CSMD1: variants seen among roughly 807,000 people sequenced by gnomAD.
CSMD1 encodes CUB and Sushi multiple domains 1.
In CSMD1, 213 loss-of-function variants were observed where a neutral mutation model predicts 417.5. The ratio of observed to expected loss-of-function variants is 0.51; its 90% CI spans 0.46 to 0.57. CSMD1 has a LOEUF of 0.57. Ranked by LOEUF, CSMD1 falls within the 20% of genes least tolerant of loss-of-function variation. CSMD1 has a pLI of 0.00. For missense variants in CSMD1, 6,923 were observed against 4,529.7 expected (o/e 1.53, Z -15.17); for synonymous variants, 2,862 against 1,736.8 (o/e 1.65, Z -16.11).
intron 1 of CSMD1, among the ~76,000 whole-genome samples, chr8:4,904,453 G>T (rs918536941): frequency 2.6e-5 from 4 of 152,140 alleles, no homozygotes; most frequent in African/African-American, 9.7e-5. Context: ...GAAGAGGTAA[G>T]AGACATGTTC....
intron 3 of CSMD1, among the ~76,000 whole-genome samples, chr8:4,209,419 T>C (rs1800170941): frequency 6.6e-6 from 1 of 152,176 alleles, no homozygotes; most frequent in South Asian, 2.1e-4. Flanking sequence ...TGGAATTGTA[T>C]GAGGTGTGAA....
At chr8:3,581,650 G>C (rs542050077) in intron 9 of CSMD1, among the ~76,000 whole-genome samples, 164 of 152,280 alleles carry the variant, frequency 1.1e-3, no homozygotes, top group Admixed American at 2.9e-3. Flanking sequence ...ATACCTTTAT[G>C]CTCAGAATGG....
At chr8:3,525,488 C>T (rs547382706) in intron 10 of CSMD1, among the ~76,000 whole-genome samples, 206 of 152,210 alleles carry the variant, frequency 1.4e-3, no homozygotes, top group Non-Finnish European at 2.6e-3. Flanking sequence ...AGCTATCCTC[C>T]GTGATAAGAA....
At chr8:4,657,663 T>A (rs1246072188) in intron 1 of CSMD1, among the ~76,000 whole-genome samples, 1 of 149,690 alleles carries the variant, frequency 6.7e-6, no homozygotes, top group Non-Finnish European at 1.5e-5. Flanking sequence ...CATGGCCAGT[T>A]CTCAAAAAAT....
At chr8:4,535,951 A>G (rs934735279) in intron 2 of CSMD1, among the ~76,000 whole-genome samples, 2 of 152,090 alleles carry the variant, frequency 1.3e-5, no homozygotes, top group East Asian at 3.9e-4. Flanking sequence ...TTAGATCTTA[A>G]CAATGTTGAT....
At chr8:4,708,218 G>A (rs929610834) in intron 1 of CSMD1, among the ~76,000 whole-genome samples, 1 of 152,146 alleles carries the variant, frequency 6.6e-6, no homozygotes, top group Admixed American at 6.5e-5. Context: ...CTAAAGTGCT[G>A]AGATTACAGG....
intron 3 of CSMD1, among the ~76,000 whole-genome samples, chr8:4,161,016 G>A (rs983261194): frequency 1.3e-5 from 2 of 151,896 alleles, no homozygotes; most frequent in East Asian, 3.9e-4. Flanking sequence ...TCTTCTTCTG[G>A]TTTGCATTAA....
rs527793528 is a variant in CSMD1 at position 3,168,620 on chromosome 8, G to C, written c.5726-6343C>G. On this transcript the variant is annotated intron_variant, in intron 37 of 69. Coordinates refer to ENST00000635120, the MANE Select transcript of CSMD1 (RefSeq NM_033225.6). ...CTATGTCACAGTGTGTAAGGAGTCA[G>C]TAAGTCTTCATCACACACACACACA... 3.8e-5 allele frequency among the ~76,000 whole-genome samples: 5 copies of C among 131,794 alleles called. No individual in the cohort carries two copies. In the South Asian group the frequency reaches 1.5e-3, roughly 39 times the overall value. 86.5% of individuals were successfully genotyped at this position (131,794 alleles called of 152,430 possible). A position where few individuals can be genotyped will look rare whatever the true frequency, so the allele number is the denominator to read the frequency against.
At chr8:3,370,346 C>T (rs1050659266) in intron 18 of CSMD1, among the ~76,000 whole-genome samples, 3 of 152,196 alleles carry the variant, frequency 2.0e-5, no homozygotes, top group Admixed American at 1.3e-4. Context: ...AGGCAACTGC[C>T]GTTCATGCTC....
In CSMD1 at chr8:3,677,201, T is replaced by C. The variant is rs139507925; in HGVS notation, c.1009+31213A>G. ...AAAAGAAACACGTATATAAGACTTA[T>C]AGAAATACACACAAGGAAAACACCG... On this transcript the variant is annotated intron_variant, in intron 7 of 69. Transcript: ENST00000635120. 2.8e-3 allele frequency among the ~76,000 whole-genome samples: 429 copies of C among 152,204 alleles called. 5 individuals are homozygous for C. The highest frequency in any genetic ancestry group is 9.8e-3 in the African/African-American group (407 of 41,528).
intron 23 of CSMD1, among the ~76,000 whole-genome samples, chr8:3,331,636 C>T (rs186751369): frequency 1.4e-4 from 22 of 152,304 alleles, no homozygotes; most frequent in Admixed American, 1.3e-3. Context: ...TTGCCTGGCA[C>T]GTGGTCAGTG....
Position 3,853,216 on chromosome 8 carries a change from C to T in CSMD1, c.819-99174G>A, listed in dbSNP as rs555593132. Among the ~76,000 whole-genome samples, 214 of 152,224 alleles carry T rather than the reference C, an allele frequency of 1.4e-3. 1 individual carries two copies. Among genetic ancestry groups the T allele is most frequent in the African/African-American group, 5.0e-3 (207 of 41,534 alleles). On this transcript the variant is annotated intron_variant, in intron 5 of 69. Coordinates refer to ENST00000635120, the MANE Select transcript of CSMD1 (RefSeq NM_033225.6). ...TTCACGATTGCATGTTTTCAGTCTT[C>T]TTTGTTGGTTCTTCCTTTTGGGGAT...
At chr8:4,261,827 T>C (rs1365590713) in intron 3 of CSMD1, among the ~76,000 whole-genome samples, 1 of 152,174 alleles carries the variant, frequency 6.6e-6, no homozygotes, top group Non-Finnish European at 1.5e-5. Flanking sequence ...ATTATATACC[T>C]TATATGTATA....
intron 5 of CSMD1, among the ~76,000 whole-genome samples, chr8:3,810,800 G>A (rs1801025645): frequency 1.3e-5 from 2 of 152,128 alleles, no homozygotes; most frequent in South Asian, 2.1e-4. Flanking sequence ...CACATCATCA[G>A]GCTGACCTCA....
chr8:3,430,598 G>C (rs531835974), intron 12 of CSMD1, among the ~76,000 whole-genome samples: 1 of 152,112 alleles, frequency 6.6e-6, no homozygotes, highest in Non-Finnish European at 1.5e-5. Context: ...TTTGAGGTCA[G>C]GAGTTTGAGA....
At chr8:4,692,336 T>C (rs921913742) in intron 1 of CSMD1, among the ~76,000 whole-genome samples, 2 of 152,116 alleles carry the variant, frequency 1.3e-5, no homozygotes, top group Admixed American at 6.5e-5. Flanking sequence ...AAAGAATGTA[T>C]TAAAAACAAA....
intron 3 of CSMD1, among the ~76,000 whole-genome samples, chr8:4,243,254 G>T (rs914629568): frequency 3.3e-5 from 5 of 152,100 alleles, no homozygotes; most frequent in African/African-American, 1.2e-4. Context: ...ACCAGCTCAG[G>T]TATTTTCTTA....
intron 46 of CSMD1, among the ~76,000 whole-genome samples, chr8:3,099,799 A>G (rs1227678860): frequency 2.6e-5 from 4 of 152,220 alleles, no homozygotes; most frequent in African/African-American, 9.6e-5. Flanking sequence ...TAGGAAAGAC[A>G]AAATGAAAAT....
intron 27 of CSMD1, among the ~76,000 whole-genome samples, chr8:3,225,646 A>G (rs952965570): frequency 6.6e-6 from 1 of 152,338 alleles, no homozygotes; most frequent in African/African-American, 2.4e-5. Flanking sequence ...CAGCAGGAAG[A>G]GTTCAGGGAT....
Sources: allele counts gnomAD v4.1 joint callset (sites outside exome capture counted in the v4.1 genomes callset), GRCh38; gene constraint gnomAD v4.1.1; transcripts MANE v1.5; gene names NCBI Gene and HGNC (gene_info 2026-07-23, HGNC 2026-07-21).